The following MAOB variants were observed in gnomAD, a reference collection of about 807,000 sequenced individuals.
MAOB encodes amine oxidase [flavin-containing] B.
MAOB carries 15 observed loss-of-function variants against 41.9 expected under a neutral mutation model. The observed-to-expected ratio is 0.36, with a 90% CI of 0.24 to 0.55. MAOB has a LOEUF of 0.55. Among genes scored for constraint, MAOB ranks in the 20% least tolerant of loss-of-function variants. The pLI, the probability that MAOB is intolerant of heterozygous loss-of-function variation, is 0.86. For synonymous variants in MAOB, 167 were observed against 144.2 expected (o/e 1.16, Z -1.13); for missense variants, 345 against 398.7 (o/e 0.87, Z 1.15).
intron 7 of MAOB, among the ~76,000 whole-genome samples, chrX:43,794,390 G>C: frequency 9.1e-6 from 1 of 110,184 alleles, no homozygotes; most frequent in Non-Finnish European, 1.9e-5. Flanking sequence ...TCACTTTCTG[G>C]TATGCCCTCT....
In MAOB at chrX:43,847,757, A is replaced by C. The variant is rs775906237; in HGVS notation, c.47-3993T>G. On this transcript the variant is annotated intron_variant, in intron 1 of 14. Coordinates refer to ENST00000378069, the MANE Select transcript of MAOB (RefSeq NM_000898.5). ...TAACCTTTGCAAACAATTTAGGAGCAAGCTTATCATCACTTCATCTTTTTA... is the reference window on the plus strand; with the variant it reads ...TAACCTTTGCAAACAATTTAGGAGCCAGCTTATCATCACTTCATCTTTTTA... 5.2e-4 allele frequency among the ~76,000 whole-genome samples: 58 copies of C among 112,529 alleles called. 3 individuals carry two copies. Among genetic ancestry groups the C allele is most frequent in the East Asian group, 3.4e-3 (12 of 3,574 alleles).
At chrX:43,775,055 G>GT (rs373072993) in intron 12 of MAOB, 120 bp downstream of exon 12, 52,566 of 583,274 alleles carry the variant, frequency 0.09, 102 homozygotes, top group Non-Finnish European at 0.096. Context: ...AAATTGGGTT[G>GT]TTTTTTTTTT....
chrX:43,817,369 G>A (rs924314153), intron 3 of MAOB, among the ~76,000 whole-genome samples: 1 of 110,530 alleles, frequency 9.0e-6, no homozygotes, highest in Non-Finnish European at 1.9e-5. Context: ...CCATCAAAAC[G>A]ACCAGTTCTA....
intron 8 of MAOB, among the ~76,000 whole-genome samples, chrX:43,784,128 C>G (rs2034370423): frequency 8.9e-6 from 1 of 112,186 alleles, no homozygotes; most frequent in Non-Finnish European, 1.9e-5. Flanking sequence ...TCTGCAGTTA[C>G]TTCCTCCACT....
chrX:43,797,274 G>A lies in MAOB; in HGVS notation c.477-8C>T. On this transcript the variant is annotated splice_polypyrimidine_tract_variant and splice_region_variant and intron_variant, in intron 5 of 14. Coordinates refer to ENST00000378069, the MANE Select transcript of MAOB (RefSeq NM_000898.5). ...GCAAGCTGCTTTGCAGATCTGCACA[G>A]GAAGAAACAAGAGCAAACTTGGCAA... 1 of 1,149,141 alleles carries A rather than the reference G, an allele frequency of 8.7e-7. No individual in the cohort carries two copies. Among genetic ancestry groups the A allele is most frequent in the East Asian group, 3.1e-5 (1 of 32,219 alleles). The allele number at this position is 1,149,141 out of a possible 1,213,427, so 94.7% of individuals were successfully genotyped here.
At chrX:43,814,507 T>G (rs2034784603) in intron 3 of MAOB, among the ~76,000 whole-genome samples, 1 of 112,585 alleles carries the variant, frequency 8.9e-6, no homozygotes, top group Non-Finnish European at 1.9e-5. Context: ...GCACATAAAG[T>G]TCACTCCATT....
rs1285294442 is a variant in MAOB at position 43,772,843 on chromosome X, C to T, written c.1235+2332G>A. Among the ~76,000 whole-genome samples the T allele has an allele frequency of 2.7e-5, 3 of 111,029 alleles. No homozygotes were observed. The East Asian group carries it at 8.6e-4, about 32-fold the overall frequency. ...ACGTTAAGAGTGTATGGTACCTCTC[C>T]CCACCACACTTGCTTGTTCCTGCTT... On this transcript the variant is annotated intron_variant, in intron 12 of 14. Coordinates refer to ENST00000378069, the MANE Select transcript of MAOB (RefSeq NM_000898.5).
At chrX:43,858,365 T>C (rs1321654057) in intron 1 of MAOB, among the ~76,000 whole-genome samples, 1 of 110,967 alleles carries the variant, frequency 9.0e-6, no homozygotes, top group Non-Finnish European at 1.9e-5. Context: ...TACCCTGCAA[T>C]ACCTAGCAAG....
Position 43,767,331 on chromosome X carries a change from A to G in MAOB, c.*135T>C, listed in dbSNP as rs1301783461. On this transcript the variant is annotated 3_prime_UTR_variant, in exon 15 of 15. Coordinates refer to ENST00000378069, the MANE Select transcript of MAOB (RefSeq NM_000898.5). ...AAGAGATACCATGTATTTTACAGTC[A>G]GAGTTGGATTTATCTTCATGCTCCC... The G allele has an allele frequency of 1.7e-6, 1 of 580,181 alleles. No homozygotes were observed. Among genetic ancestry groups the G allele is most frequent in the Admixed American group, 3.9e-5 (1 of 25,918 alleles). 47.8% of individuals were successfully genotyped at this position (580,181 alleles called of 1,213,427 possible).
intron 1 of MAOB, among the ~76,000 whole-genome samples, chrX:43,857,337 C>T (rs763808332): frequency 1.9e-5 from 2 of 106,612 alleles, no homozygotes; most frequent in Admixed American, 1.0e-4. Flanking sequence ...TGCACCACCA[C>T]GCCTGGCTAA....
At chrX:43,798,634 T>C (rs1350717392) in intron 5 of MAOB, among the ~76,000 whole-genome samples, 1 of 111,821 alleles carries the variant, frequency 8.9e-6, no homozygotes, top group East Asian at 2.8e-4. Flanking sequence ...AATTCATCAG[T>C]AGTAGTGTGC....
chrX:43,800,929 G>T (rs1367233694), intron 5 of MAOB, among the ~76,000 whole-genome samples: 1 of 110,574 alleles, frequency 9.0e-6, no homozygotes, highest in East Asian at 2.8e-4. Flanking sequence ...ATTTTTTCCA[G>T]TCATTAAATA....
At chrX:43,857,108 TATATATATAGAGAGAG>T (rs1210044435) in intron 1 of MAOB, among the ~76,000 whole-genome samples, 8 of 24,066 alleles carry the variant, frequency 3.3e-4, no homozygotes, top group African/African-American at 7.0e-4. Context: ...TATATATATA[TATATATATAGAGAGAG>T]AGAGAGAGAG....
At chrX:43,834,236 G>A (rs977979756) in intron 3 of MAOB, among the ~76,000 whole-genome samples, 2 of 111,462 alleles carry the variant, frequency 1.8e-5, no homozygotes, top group African/African-American at 6.5e-5. Flanking sequence ...ACAAGAGTTG[G>A]TCTAACCTGT....
chrX:43,829,160 T>C (rs2034987392), intron 3 of MAOB, among the ~76,000 whole-genome samples: 1 of 112,333 alleles, frequency 8.9e-6, no homozygotes, highest in Non-Finnish European at 1.9e-5. Flanking sequence ...AGTAAAATGC[T>C]CCAGGTCGCT....
In MAOB at chrX:43,793,504, C is replaced by T. The variant is rs376954945; in HGVS notation, c.843G>A (p.Met281Ile). The T allele has an allele frequency of 2.3e-5, 27 of 1,198,289 alleles. No individual in the cohort carries two copies. The highest frequency in any genetic ancestry group is 2.9e-5 in the Non-Finnish European group (26 of 885,267). ...KIHFNPPLPM[M>I]RNQMITRVPL... ...GCACACGAGTGATCATCTGGTTTCT[C>T]ATCATTGGCAGAGGGGGATTGAAGT... The change falls in exon 8 of 15, where the codon ATG becomes ATA. Residue 281 changes from methionine (M) to isoleucine (I), a missense_variant. Physicochemically the swap from Met to Ile is conservative, Grantham distance 10 (BLOSUM62 1). Coordinates refer to ENST00000378069, the MANE Select transcript of MAOB (RefSeq NM_000898.5).
intron 3 of MAOB, among the ~76,000 whole-genome samples, chrX:43,815,494 C>A (rs1206777787): frequency 8.9e-6 from 1 of 111,738 alleles, no homozygotes; most frequent in Non-Finnish European, 1.9e-5. Context: ...GCTGTTTCAC[C>A]ACAATATTAG....
intron 3 of MAOB, among the ~76,000 whole-genome samples, chrX:43,808,840 G>C (rs1409314223): frequency 9.1e-6 from 1 of 110,285 alleles, no homozygotes; most frequent in African/African-American, 3.3e-5. Context: ...GAGTAGCTGG[G>C]ATTACAGGTG....
chrX:43,863,047 GT>G (rs2035342844), intron 1 of MAOB, among the ~76,000 whole-genome samples: 2 of 111,803 alleles, frequency 1.8e-5, no homozygotes, highest in African/African-American at 6.5e-5. Context: ...TCCCAACAGT[GT>G]GATAAAACAA....
Sources: gnomAD v4.1 joint callset for allele counts (sites outside exome capture counted in the v4.1 genomes callset) on GRCh38, gnomAD v4.1.1 for gene constraint, MANE v1.5 for transcripts, NCBI Gene and HGNC (gene_info 2026-07-23, HGNC 2026-07-21) for gene names.